Variants in ARHGAP26 observed in about 807,000 individuals in gnomAD.
ARHGAP26 encodes the protein rho GTPase-activating protein 26.
A neutral mutation model predicts 104.8 loss-of-function variants in ARHGAP26; 38 were observed. The ratio of observed to expected loss-of-function variants is 0.36; its 90% CI spans 0.28 to 0.48. The LOEUF is 0.48. Among genes scored for constraint, ARHGAP26 ranks in the 20% least tolerant of loss-of-function variants. The probability of loss-of-function intolerance (pLI) is 0.99; values close to 1 mark genes in which losing one functional copy is unlikely to be tolerated. For missense variants in ARHGAP26, 704 were observed against 947.9 expected, an observed-to-expected ratio of 0.74 and a Z score of 3.38; for synonymous variants, 341 against 340.0, an observed-to-expected ratio of 1.00 and a Z score of -0.03.
At chr5:143,036,733 A>G (rs1782695817) in intron 12 of ARHGAP26, among the ~76,000 whole-genome samples, 1 of 152,190 alleles carries the variant, frequency 6.6e-6, no homozygotes, top group African/African-American at 2.4e-5. Context: ...GCTAGTGATA[A>G]TGTCAACCTG....
intron 11 of ARHGAP26, among the ~76,000 whole-genome samples, chr5:142,939,931 T>C (rs1163559731): frequency 6.6e-6 from 1 of 152,268 alleles, no homozygotes; most frequent in East Asian, 1.9e-4. Context: ...CTGGGTTCTA[T>C]TTCTAGCTCT....
intron 17 of ARHGAP26, among the ~76,000 whole-genome samples, chr5:143,112,555 A>AT (rs1004263025): frequency 1.2e-4 from 19 of 152,210 alleles, no homozygotes; most frequent in Admixed American, 1.2e-3. Flanking sequence ...AACACCATCC[A>AT]TCTCCATAAC....
At chr5:143,096,310 G>A (rs749356218) in intron 17 of ARHGAP26, among the ~76,000 whole-genome samples, 7 of 152,180 alleles carry the variant, frequency 4.6e-5, no homozygotes, top group African/African-American at 9.7e-5. Flanking sequence ...TGTCATGCTC[G>A]TGGTGCAGAT....
In ARHGAP26 at chr5:142,801,559, A is replaced by G. The variant is rs540703408; in HGVS notation, c.154+30644A>G. 5.3e-5 allele frequency among the ~76,000 whole-genome samples: 8 copies of G among 152,132 alleles called. No individual in the cohort carries two copies. In the South Asian group the frequency reaches 1.7e-3, roughly 32 times the overall value. On this transcript the variant is annotated intron_variant, in intron 1 of 22. Transcript: ENST00000645722. Reference sequence around the variant, plus strand: ...AGAAAAAGAGTGGGTACCTTGTCTGAATCCCTGGCATATTTTCAAGGCTGC... The same window carrying G: ...AGAAAAAGAGTGGGTACCTTGTCTGGATCCCTGGCATATTTTCAAGGCTGC...
chr5:143,116,622 A>T (rs1460808294), intron 17 of ARHGAP26, among the ~76,000 whole-genome samples: 1 of 152,166 alleles, frequency 6.6e-6, no homozygotes. Context: ...AGGGTTGGCT[A>T]CTGCTATTCC....
At chr5:143,180,343 C>A (rs1804143509) in intron 20 of ARHGAP26, among the ~76,000 whole-genome samples, 1 of 152,114 alleles carries the variant, frequency 6.6e-6, no homozygotes. Context: ...CCAGGATGGT[C>A]TCGATCTCTT....
At chr5:143,081,707 G>A (rs1472425349) in intron 17 of ARHGAP26, among the ~76,000 whole-genome samples, 4 of 152,190 alleles carry the variant, frequency 2.6e-5, no homozygotes, top group Admixed American at 1.3e-4. Flanking sequence ...CTGGCATGGA[G>A]TAAGGGCTTA....
Position 143,224,867 on chromosome 5 carries a change from T to C in ARHGAP26, c.*2421T>C, listed in dbSNP as rs980077635. The stretch of plus-strand genomic sequence containing the variant: ...TGGTTTTAAAGTTAACAGGGGTTTG[T>C]CATGGTGATTCACTACTCAGTTTAT... On this transcript the variant is annotated 3_prime_UTR_variant, in exon 23 of 23. Coordinates refer to ENST00000645722, the MANE Select transcript of ARHGAP26 (RefSeq NM_001135608.3). 2 of 226,262 alleles carry C rather than the reference T, an allele frequency of 8.8e-6. No individual in the cohort carries two copies. The highest frequency in any genetic ancestry group is 1.8e-5 in the Non-Finnish European group (2 of 113,686). The allele number at this position is 226,262 out of a possible 1,614,324, so 14.0% of individuals were successfully genotyped here. A position where few individuals can be genotyped will look rare whatever the true frequency, so the allele number is the denominator to read the frequency against.
intron 1 of ARHGAP26, among the ~76,000 whole-genome samples, chr5:142,774,414 C>CTTT (rs560578736): frequency 7.0e-6 from 1 of 142,540 alleles, no homozygotes. Context: ...CATTAATGGA[C>CTTT]TTTTTTTTTT....
At chr5:142,912,513 C>T (rs1761963004) in intron 9 of ARHGAP26, among the ~76,000 whole-genome samples, 2 of 152,106 alleles carry the variant, frequency 1.3e-5, no homozygotes, top group African/African-American at 2.4e-5. Context: ...TATATGACAT[C>T]AAAATCTATA....
At chr5:143,109,170 A>C (rs1267321697) in intron 17 of ARHGAP26, among the ~76,000 whole-genome samples, 3 of 58,452 alleles carry the variant, frequency 5.1e-5, no homozygotes, top group African/African-American at 1.1e-4. Context: ...CGCACCTAGA[A>C]GCTCTTACCT....
intron 17 of ARHGAP26, among the ~76,000 whole-genome samples, chr5:143,107,462 T>TTC (rs1794181180): frequency 6.6e-6 from 1 of 152,200 alleles, no homozygotes; most frequent in Non-Finnish European, 1.5e-5. Context: ...TACACTGTAT[T>TTC]TCTCCCCCTA....
intron 9 of ARHGAP26, among the ~76,000 whole-genome samples, chr5:142,911,907 GTA>G (rs1761879772): frequency 6.6e-6 from 1 of 152,232 alleles, no homozygotes; most frequent in Admixed American, 6.5e-5. Context: ...AAGACAATAG[GTA>G]TAAGGCCTGT....
At chr5:142,785,304 A>G (rs747649530) in intron 1 of ARHGAP26, among the ~76,000 whole-genome samples, 5 of 152,184 alleles carry the variant, frequency 3.3e-5, no homozygotes, top group East Asian at 1.9e-4. Context: ...AGTGCATCCA[A>G]ACAATTTGCA....
chr5:142,993,635 G>A (rs1477067135), intron 11 of ARHGAP26, among the ~76,000 whole-genome samples: 2 of 151,672 alleles, frequency 1.3e-5, no homozygotes, highest in African/African-American at 4.8e-5. Flanking sequence ...AAACTAGATT[G>A]TTGATTTTTT....
chr5:142,881,795 A>G (rs1293565330), intron 4 of ARHGAP26, among the ~76,000 whole-genome samples: 1 of 152,184 alleles, frequency 6.6e-6, no homozygotes, highest in Non-Finnish European at 1.5e-5. Context: ...AGTGCTCTTC[A>G]GCTGGTTTGG....
At chr5:142,813,124 G>T (rs1449333668) in intron 1 of ARHGAP26, among the ~76,000 whole-genome samples, 1 of 151,954 alleles carries the variant, frequency 6.6e-6, no homozygotes, top group African/African-American at 2.4e-5. Context: ...TAGTTTTTTA[G>T]TAGAGATGGG....
rs773431260 is a variant in ARHGAP26 at position 143,225,490 on chromosome 5, C to T, written c.*3044C>T. The T allele has an allele frequency of 6.4e-5, 13 of 204,482 alleles. No homozygotes were observed. The highest frequency in any genetic ancestry group is 1.0e-4 in the Non-Finnish European group (10 of 99,902). 12.7% of individuals were successfully genotyped at this position (204,482 alleles called of 1,614,324 possible). On this transcript the variant is annotated 3_prime_UTR_variant, in exon 23 of 23. Transcript: ENST00000645722. ...AGGTGTGAGCCGCTGCGGCCGACCA[C>T]ATTTGATGTTTGAAGTTGTAATCTG...
At chr5:143,070,604 A>G (rs780402094) in intron 17 of ARHGAP26, among the ~76,000 whole-genome samples, 10 of 152,218 alleles carry the variant, frequency 6.6e-5, no homozygotes, top group African/African-American at 9.6e-5. Flanking sequence ...ATTCAGTGCA[A>G]TCCCTATCGA....
Sources: allele counts gnomAD v4.1 joint callset (sites outside exome capture counted in the v4.1 genomes callset), GRCh38; gene constraint gnomAD v4.1.1; transcripts MANE v1.5; gene names NCBI Gene and HGNC (gene_info 2026-07-23, HGNC 2026-07-21).